The following SNTG1 variants were observed in gnomAD, a reference collection of about 807,000 sequenced individuals.
The protein encoded by SNTG1 is gamma-1-syntrophin.
SNTG1 carries 39 observed loss-of-function variants against 74.7 expected under a neutral mutation model. The observed-to-expected ratio is 0.52, with a 90% CI of 0.40 to 0.68. The LOEUF (loss-of-function observed/expected upper bound fraction) is 0.68. SNTG1 is among the 30% of genes least tolerant of loss of function. The pLI is 0.00. For synonymous variants in SNTG1, 254 were observed against 217.1 expected (o/e 1.17, Z -1.49); for missense variants, 685 against 609.5 (o/e 1.12, Z -1.30).
Position 50,755,438 on chromosome 8 carries a change from C to T in SNTG1, c.1395+3327C>T, listed in dbSNP as rs974550918. 1.6e-4 allele frequency among the ~76,000 whole-genome samples: 25 copies of T among 151,794 alleles called. 1 individual carries two copies. The highest frequency in any genetic ancestry group is 1.5e-5 in the Non-Finnish European group (1 of 67,896). ...CATGTCTTTTCATGACTTAATAACT[C>T]ATTTCTTTTTAGTACTGAATAATAT... is the stretch of plus-strand genomic sequence containing the variant. On this transcript the variant is annotated intron_variant, in intron 18 of 18. Coordinates refer to ENST00000642720, the MANE Select transcript of SNTG1 (RefSeq NM_018967.5).
chr8:50,572,665 A>G (rs2094555831), intron 12 of SNTG1, among the ~76,000 whole-genome samples: 1 of 152,190 alleles, frequency 6.6e-6, no homozygotes, highest in South Asian at 2.1e-4. Context: ...GAGCTCTAGA[A>G]GCAAAAGTCA....
chr8:50,445,820 C>A (rs2093401624), intron 5 of SNTG1, among the ~76,000 whole-genome samples: 1 of 152,130 alleles, frequency 6.6e-6, no homozygotes, highest in South Asian at 2.1e-4. Context: ...GGACCTCAGG[C>A]CATTTATACT....
intron 13 of SNTG1, among the ~76,000 whole-genome samples, chr8:50,628,696 C>T (rs979683055): frequency 6.6e-6 from 1 of 151,966 alleles, no homozygotes; most frequent in Non-Finnish European, 1.5e-5. Flanking sequence ...ATTTCTTTTC[C>T]TTTTTGCTTT....
At chr8:50,725,188 T>C (rs2095497100) in intron 17 of SNTG1, among the ~76,000 whole-genome samples, 1 of 152,212 alleles carries the variant, frequency 6.6e-6, no homozygotes, top group Non-Finnish European at 1.5e-5. Context: ...GGGCGACGTT[T>C]TGTTTTTAAA....
At chr8:50,454,509 CAAACAAAACA>C (rs1013494714) in intron 8 of SNTG1, among the ~76,000 whole-genome samples, 1 of 149,922 alleles carries the variant, frequency 6.7e-6, no homozygotes, top group Non-Finnish European at 1.5e-5. Context: ...AATAAACAAA[CAAACAAAACA>C]AAACAAAACA....
intron 1 of SNTG1, among the ~76,000 whole-genome samples, chr8:50,115,290 G>T (rs1214663093): frequency 1.3e-5 from 2 of 151,898 alleles, no homozygotes; most frequent in Admixed American, 6.6e-5. Flanking sequence ...TGCTTGGCCG[G>T]GTGCCATGGC....
Position 50,793,979 on chromosome 8 carries a change from G to A in SNTG1, c.*1150G>A, listed in dbSNP as rs1167479110. 1 of 151,784 alleles carries A rather than the reference G, an allele frequency of 6.6e-6. No homozygotes were observed. The highest frequency in any genetic ancestry group is 1.5e-5 in the Non-Finnish European group (1 of 67,888). 9.4% of individuals were successfully genotyped at this position (151,784 alleles called of 1,614,324 possible). A position where few individuals can be genotyped will look rare whatever the true frequency, so the allele number is the denominator to read the frequency against. On this transcript the variant is annotated 3_prime_UTR_variant, in exon 19 of 19. Coordinates refer to ENST00000642720, the MANE Select transcript of SNTG1 (RefSeq NM_018967.5). ...TTGTCCTAAGAATGTAAATGTGAAA[G>A]GCTGGGAAATTTGAAAGCCTTAGAG...
At chr8:50,784,548 G>A (rs1276075793) in intron 18 of SNTG1, among the ~76,000 whole-genome samples, 3 of 152,036 alleles carry the variant, frequency 2.0e-5, no homozygotes, top group African/African-American at 7.2e-5. Flanking sequence ...GAACAAATGA[G>A]GCGAAATCGA....
chr8:50,153,122 C>G (rs2082128783), intron 1 of SNTG1, among the ~76,000 whole-genome samples: 1 of 152,096 alleles, frequency 6.6e-6, no homozygotes, highest in Non-Finnish European at 1.5e-5. Flanking sequence ...TCTTTTTTCT[C>G]TAAACTTCTC....
intron 17 of SNTG1, among the ~76,000 whole-genome samples, chr8:50,722,492 ATG>A (rs1226980319): frequency 2.6e-5 from 4 of 152,216 alleles, no homozygotes; most frequent in Non-Finnish European, 5.9e-5. Flanking sequence ...GTATAATTCA[ATG>A]TGATTGCATT....
At chr8:50,697,923 T>G (rs1408409301) in intron 15 of SNTG1, among the ~76,000 whole-genome samples, 1 of 152,140 alleles carries the variant, frequency 6.6e-6, no homozygotes, top group Admixed American at 6.6e-5. Context: ...CTGGCTGACT[T>G]TGGTGTCAGG....
chr8:50,215,057 A>G (rs1413691424), intron 2 of SNTG1, among the ~76,000 whole-genome samples: 1 of 152,054 alleles, frequency 6.6e-6, no homozygotes, highest in Non-Finnish European at 1.5e-5. Context: ...TTTGCTTTGC[A>G]GGGTGGGTTC....
intron 1 of SNTG1, among the ~76,000 whole-genome samples, chr8:50,153,800 T>C (rs1186604067): frequency 6.6e-6 from 1 of 152,140 alleles, no homozygotes; most frequent in Non-Finnish European, 1.5e-5. Flanking sequence ...GTATGAGGTG[T>C]CAGTCTGCCC....
chr8:50,328,089 TAA>T (rs1024444317), intron 2 of SNTG1, among the ~76,000 whole-genome samples: 2 of 152,180 alleles, frequency 1.3e-5, no homozygotes, highest in Non-Finnish European at 2.9e-5. Context: ...ATAATAAAAA[TAA>T]AAGTTTTATT....
intron 13 of SNTG1, among the ~76,000 whole-genome samples, chr8:50,654,828 C>T (rs1292892435): frequency 6.6e-6 from 1 of 152,120 alleles, no homozygotes; most frequent in East Asian, 1.9e-4. Flanking sequence ...CTGGCAAGGG[C>T]TTGATGACTT....
chr8:50,546,745 A>T (rs994092607), intron 11 of SNTG1, among the ~76,000 whole-genome samples: 2 of 151,980 alleles, frequency 1.3e-5, no homozygotes, highest in African/African-American at 4.8e-5. Flanking sequence ...GTATTCCATG[A>T]TGTATATGTG....
chr8:50,767,214 T>C (rs981509284), intron 18 of SNTG1, among the ~76,000 whole-genome samples: 1 of 151,960 alleles, frequency 6.6e-6, no homozygotes, highest in Non-Finnish European at 1.5e-5. Context: ...CCAGAGCTTA[T>C]TTAACAAGAA....
intron 1 of SNTG1, among the ~76,000 whole-genome samples, chr8:49,979,478 C>G (rs1486261035): frequency 6.6e-6 from 1 of 152,198 alleles, no homozygotes; most frequent in Non-Finnish European, 1.5e-5. Flanking sequence ...TCATTTTCAT[C>G]TGTTGCCCCT....
intron 4 of SNTG1, among the ~76,000 whole-genome samples, chr8:50,416,305 G>A (rs868785216): frequency 2.6e-5 from 4 of 152,086 alleles, no homozygotes; most frequent in Middle Eastern, 3.2e-3. Flanking sequence ...CACATGCATG[G>A]AATGGTTCTA....
Sources: gnomAD v4.1 joint callset for allele counts (sites outside exome capture counted in the v4.1 genomes callset) on GRCh38, gnomAD v4.1.1 for gene constraint, MANE v1.5 for transcripts, NCBI Gene and HGNC (gene_info 2026-07-23, HGNC 2026-07-21) for gene names.